Variants in WDR33 observed in about 807,000 individuals in gnomAD.
WDR33 encodes pre-mRNA 3' end processing protein WDR33.
Under a neutral mutation model 164.9 loss-of-function variants are expected in WDR33, and 47 were observed. That is an observed-to-expected ratio of 0.29 (90% CI 0.23 to 0.36). WDR33 has a LOEUF of 0.36. Among genes scored for constraint, WDR33 ranks in the 10% least tolerant of loss-of-function variants. The pLI is 1.00. For synonymous variants in WDR33, 505 were observed against 589.0 expected (o/e 0.86, Z 2.06); for missense variants, 1,137 against 1,754.1 (o/e 0.65, Z 6.28).
chr2:127,706,352 C>A lies in WDR33; in HGVS notation c.3982G>T (p.Ala1328Ser), dbSNP rs1386035824. ...NMNSGPPRRG[A>S]SRGGGRGR The stretch of plus-strand genomic sequence containing the variant: ...CGACCCCTTCCACCACCCCGTGAAG[C>A]TCCTCGCCTCGGCGGGCCAGAGTTC... The change falls in exon 22 of 22, where the codon GCT becomes TCT. Residue 1328 changes from alanine (A) to serine (S), a missense_variant. By Grantham distance (99) the Ala-to-Ser change is moderately conservative. Around this residue, in one of 9 missense-constraint regions of WDR33, gnomAD observed 867 missense variants for 1,073.0 expected, o/e 0.81. Coordinates refer to ENST00000322313, the MANE Select transcript of WDR33 (RefSeq NM_018383.5). The surrounding 1 kb of genome is among the most constrained non-coding windows in gnomAD (Gnocchi z 5.1). 1 of 1,592,208 alleles carries A rather than the reference C, an allele frequency of 6.3e-7. No individual in the cohort carries two copies. Among genetic ancestry groups the A allele is most frequent in the East Asian group, 2.2e-5 (1 of 44,580 alleles).
intron 1 of WDR33, among the ~76,000 whole-genome samples, chr2:127,809,428 CTTTTTTTTTTTT>C (rs70985478): frequency 5.3e-5 from 5 of 94,618 alleles, no homozygotes; most frequent in Admixed American, 1.4e-4. Flanking sequence ...AGCCAAATTC[CTTTTTTTTTTTT>C]TTTTTTTTTT....
At chr2:127,796,248 T>G (rs1445512711) in intron 1 of WDR33, among the ~76,000 whole-genome samples, 1 of 151,820 alleles carries the variant, frequency 6.6e-6, no homozygotes. Flanking sequence ...AATTTTTGTA[T>G]ATTTTTTTAG....
intron 7 of WDR33, among the ~76,000 whole-genome samples, chr2:127,734,458 C>T (rs1002343604): frequency 2.0e-5 from 3 of 152,174 alleles, no homozygotes; most frequent in Non-Finnish European, 4.4e-5. Context: ...TGACTTACTA[C>T]TTTGTAATAA....
chr2:127,711,772 A>T (rs868778411), intron 18 of WDR33, among the ~76,000 whole-genome samples: 17,347 of 86,976 alleles, frequency 0.2, 2,534 homozygotes, highest in African/African-American at 0.36. Flanking sequence ...ATATATATAT[A>T]TATATATATT....
chr2:127,729,826 T>G (rs990708469), intron 7 of WDR33, among the ~76,000 whole-genome samples: 1 of 152,232 alleles, frequency 6.6e-6, no homozygotes, highest in East Asian at 1.9e-4. Context: ...TACATCATTT[T>G]ACTTTTGAAC....
intron 7 of WDR33, among the ~76,000 whole-genome samples, chr2:127,734,684 C>A (rs1047905731): frequency 2.6e-5 from 4 of 152,068 alleles, no homozygotes; most frequent in African/African-American, 9.7e-5. Flanking sequence ...CAAAACAAGA[C>A]CTGAATACTG....
At chr2:127,794,212 A>C (rs865899233) in intron 1 of WDR33, among the ~76,000 whole-genome samples, 7 of 146,836 alleles carry the variant, frequency 4.8e-5, no homozygotes, top group East Asian at 2.1e-4. Context: ...AGCAAGAAAG[A>C]AAGCCGGCCA....
In WDR33 at chr2:127,727,756, A is replaced by G. The variant is rs10176286; in HGVS notation, c.725-979T>C. 7.0e-3 allele frequency among the ~76,000 whole-genome samples: 1,066 copies of G among 152,368 alleles called. 10 individuals are homozygous for G. Among genetic ancestry groups the G allele is most frequent in the African/African-American group, 0.024 (1,014 of 41,574 alleles). ...CCCAAGGATATTTTACATAACAAAT[A>G]AACTAAGAAGCAGATGAGGAGTGAG... On this transcript the variant is annotated intron_variant, in intron 7 of 21. Coordinates refer to ENST00000322313, the MANE Select transcript of WDR33 (RefSeq NM_018383.5).
chr2:127,723,018 C>T lies in WDR33; in HGVS notation c.1318G>A (p.Val440Ile). 3 of 1,612,558 alleles carry T rather than the reference C, an allele frequency of 1.9e-6. No homozygotes were observed. Among genetic ancestry groups the T allele is most frequent in the Non-Finnish European group, 2.5e-6 (3 of 1,179,438 alleles). Residue 440 changes from valine (V) to isoleucine (I), a missense_variant, in exon 13 of 22, where the codon GTA becomes ATA. Val to Ile is a conservative substitution (Grantham distance 29). Around this residue, in one of 9 missense-constraint regions of WDR33, gnomAD observed 75 missense variants for 124.7 expected, o/e 0.60. Coordinates refer to ENST00000322313, the MANE Select transcript of WDR33 (RefSeq NM_018383.5). The surrounding 1 kb of genome is among the most constrained non-coding windows in gnomAD (Gnocchi z 5.9). The stretch of plus-strand genomic sequence containing the variant: ...TCTGGTATTCCCATTCCTGGAATTA[C>T]TGCCAGGCTATTAGGTTCGAGGTCA... ...YDDLEPNSLA[V>I]IPGMGIPEQL...
chr2:127,807,809 A>G (rs1272693056), intron 1 of WDR33, among the ~76,000 whole-genome samples: 1 of 152,214 alleles, frequency 6.6e-6, no homozygotes, highest in Non-Finnish European at 1.5e-5. Context: ...CACGTCTTCA[A>G]CGTGCTCACA....
rs1363538897 is a variant in WDR33, at chr2:127,716,538, G to C, written c.2869+617C>G. On this transcript the variant is annotated intron_variant, in intron 17 of 21. Transcript: ENST00000322313. The surrounding 1 kb of genome is among the most constrained non-coding windows in gnomAD (Gnocchi z 4.5). The stretch of plus-strand genomic sequence containing the variant: ...TCCTGCTCCAACTCTGCAAGACAGG[G>C]GGGTCCCACCCATCTCAGGGGCCAT... 1.3e-5 allele frequency among the ~76,000 whole-genome samples: 2 copies of C among 152,154 alleles called. No homozygotes were observed. The highest frequency in any genetic ancestry group is 2.4e-5 in the African/African-American group (1 of 41,432).
intron 7 of WDR33, among the ~76,000 whole-genome samples, chr2:127,751,362 A>AAAT (rs61554819): frequency 0.052 from 7,047 of 136,736 alleles, 254 homozygotes; most frequent in Admixed American, 0.067. Flanking sequence ...CCTTATCTCA[A>AAAT]AATAATAATA....
chr2:127,759,067 T>C (rs907551897), intron 7 of WDR33, among the ~76,000 whole-genome samples: 12 of 152,344 alleles, frequency 7.9e-5, no homozygotes, highest in Middle Eastern at 3.4e-3. Flanking sequence ...TTCTTTTTAA[T>C]TTTTAATAAA....
At chr2:127,767,950 T>C (rs762096616) in intron 4 of WDR33, among the ~76,000 whole-genome samples, 1 of 152,150 alleles carries the variant, frequency 6.6e-6, no homozygotes, top group Non-Finnish European at 1.5e-5. Flanking sequence ...ATCCATCTAT[T>C]CAGAGAGAAT....
chr2:127,785,310 T>C lies in WDR33; in HGVS notation c.-23-14306A>G, dbSNP rs1035318048. Among the ~76,000 whole-genome samples, 12 of 152,262 alleles carry C rather than the reference T, an allele frequency of 7.9e-5. No individual in the cohort carries two copies. In the East Asian group the frequency reaches 2.3e-3, roughly 29 times the overall value. On this transcript the variant is annotated intron_variant, in intron 1 of 21. Transcript: ENST00000322313. The stretch of plus-strand genomic sequence containing the variant: ...TTTGTTAGAATCAATGAACCAACAC[T>C]GATGCATCATTATCACCCAAAGTCC...
chr2:127,773,623 T>C (rs1374598881), intron 1 of WDR33, among the ~76,000 whole-genome samples: 1 of 152,146 alleles, frequency 6.6e-6, no homozygotes, highest in Middle Eastern at 3.2e-3. Flanking sequence ...AGAAAAGAAC[T>C]AAGCAGTTGA....
Position 127,763,603 on chromosome 2 carries a change from G to A in WDR33, c.627-444C>T. The A allele has an allele frequency of 3.7e-5, 37 of 995,938 alleles. No homozygotes were observed. Among genetic ancestry groups the A allele is most frequent in the South Asian group, 4.5e-5 (1 of 22,254 alleles). 61.7% of individuals were successfully genotyped at this position (995,938 alleles called of 1,614,324 possible). On this transcript the variant is annotated intron_variant, in intron 6 of 21. Transcript: ENST00000322313. This position sits in a 1 kb window ranked among gnomAD's most constrained non-coding sequence, Gnocchi z 4.5. ...TTCATGAAATAAGCTGAAACAATGTGGGCTGTCTATTAAAAGACTGATTGC... is the reference window on the plus strand; with the variant it reads ...TTCATGAAATAAGCTGAAACAATGTAGGCTGTCTATTAAAAGACTGATTGC...
chr2:127,758,282 C>A (rs1573922537), intron 7 of WDR33, among the ~76,000 whole-genome samples: 1 of 152,284 alleles, frequency 6.6e-6, no homozygotes, highest in East Asian at 1.9e-4. Context: ...TAGGAAGGTA[C>A]TGTTGCTGAC....
intron 7 of WDR33, among the ~76,000 whole-genome samples, chr2:127,733,401 C>T (rs930502141): frequency 2.6e-5 from 4 of 152,102 alleles, no homozygotes; most frequent in Non-Finnish European, 4.4e-5. Flanking sequence ...TTCAGCAGTA[C>T]GACTTGGACT....
Sources: gnomAD v4.1 joint callset for allele counts (sites outside exome capture counted in the v4.1 genomes callset) on GRCh38, gnomAD v4.1.1 for gene constraint, gnomAD v4.1.1 regional missense constraint, Gnocchi (gnomAD v3.1) non-coding constraint, MANE v1.5 for transcripts, NCBI Gene and HGNC (gene_info 2026-07-23, HGNC 2026-07-21) for gene names.